DGKB: variants seen among roughly 807,000 people sequenced by gnomAD.
The protein encoded by DGKB is 90 kDa diacylglycerol kinase.
Under a neutral mutation model 114.3 loss-of-function variants are expected in DGKB, and 67 were observed. That is an observed-to-expected ratio of 0.59 (90% CI 0.48 to 0.72). The LOEUF is 0.72. Ranked by LOEUF, DGKB falls within the 30% of genes least tolerant of loss-of-function variation. The pLI is 0.00. For missense variants in DGKB, 907 were observed against 975.2 expected (o/e 0.93, Z 0.93); for synonymous variants, 398 against 323.1 (o/e 1.23, Z -2.49).
At position 14,291,519 on chromosome 7, in the gene DGKB, G is replaced by A. The variant is rs138183443; in HGVS notation, c.2122+46996C>T. On this transcript the variant is annotated intron_variant, in intron 23 of 25. Coordinates refer to ENST00000402815, the MANE Select transcript of DGKB (RefSeq NM_001350709.2). Reference sequence around the variant, plus strand: ...CCTTGGTAATCCCAAAATTGGTTTCGTTCAGAAATCAGTGAATTCTCCTAT... The same window carrying A: ...CCTTGGTAATCCCAAAATTGGTTTCATTCAGAAATCAGTGAATTCTCCTAT... 4.2e-4 allele frequency among the ~76,000 whole-genome samples: 64 copies of A among 152,122 alleles called. No individual in the cohort carries two copies. The East Asian group carries it at 9.7e-3, about 23-fold the overall frequency.
chr7:14,158,379 G>A (rs1294674206), intron 25 of DGKB, among the ~76,000 whole-genome samples: 1 of 152,076 alleles, frequency 6.6e-6, no homozygotes, highest in Non-Finnish European at 1.5e-5. Flanking sequence ...CCAAAAGAAA[G>A]GTTAGAAAAA....
intron 6 of DGKB, among the ~76,000 whole-genome samples, chr7:14,716,318 T>A (rs1403749833): frequency 6.6e-6 from 1 of 152,186 alleles, no homozygotes; most frequent in African/African-American, 2.4e-5. Context: ...GATATACCAG[T>A]CCTGCAGGTG....
rs184656437 is a variant in DGKB at position 14,567,249 on chromosome 7, T to A, written c.1770+6963A>T. 5.4e-3 allele frequency among the ~76,000 whole-genome samples: 248 copies of A among 45,950 alleles called. 25 individuals are homozygous for A. The highest frequency in any genetic ancestry group is 0.022 in the African/African-American group (226 of 10,442). The allele number at this position is 45,950 out of a possible 152,430, so 30.1% of individuals were successfully genotyped here. A position where few individuals can be genotyped will look rare whatever the true frequency, so the allele number is the denominator to read the frequency against. ...ATATATATAATTATATTATATATAT[T>A]ATATATTTATATATTATATATATAA... On this transcript the variant is annotated intron_variant, in intron 20 of 25. Transcript: ENST00000402815.
intron 21 of DGKB, among the ~76,000 whole-genome samples, chr7:14,347,432 C>G (rs752955859): frequency 1.3e-5 from 2 of 152,012 alleles, no homozygotes; most frequent in South Asian, 2.1e-4. Context: ...CCAGCAATCT[C>G]TCTTCTGTAT....
chr7:14,564,610 A>T (rs180771395), intron 20 of DGKB, among the ~76,000 whole-genome samples: 1 of 152,196 alleles, frequency 6.6e-6, no homozygotes, highest in Non-Finnish European at 1.5e-5. Flanking sequence ...AATGGAATTT[A>T]AAAATTCCTC....
chr7:14,427,558 A>G (rs1314717788), intron 21 of DGKB, among the ~76,000 whole-genome samples: 2 of 152,126 alleles, frequency 1.3e-5, no homozygotes, highest in Admixed American at 1.3e-4. Context: ...CACGCTGCTG[A>G]TAGAGACATA....
intron 4 of DGKB, among the ~76,000 whole-genome samples, chr7:14,741,815 G>A (rs1257477359): frequency 6.6e-6 from 1 of 152,184 alleles, no homozygotes; most frequent in Non-Finnish European, 1.5e-5. Flanking sequence ...CCAGAAATAT[G>A]AGTCATCTGG....
At chr7:14,838,485 T>C (rs934782150) in intron 2 of DGKB, among the ~76,000 whole-genome samples, 1 of 152,170 alleles carries the variant, frequency 6.6e-6, no homozygotes, top group Non-Finnish European at 1.5e-5. Context: ...GATATCACCA[T>C]AATCCCTTCT....
chr7:14,246,930 T>C (rs142266511), intron 23 of DGKB, among the ~76,000 whole-genome samples: 40 of 152,268 alleles, frequency 2.6e-4, no homozygotes, highest in African/African-American at 9.4e-4. Flanking sequence ...CTTCAGAATA[T>C]ATTCATCCTG....
intron 23 of DGKB, among the ~76,000 whole-genome samples, chr7:14,325,621 A>G (rs1808579054): frequency 6.6e-6 from 1 of 152,220 alleles, no homozygotes; most frequent in Non-Finnish European, 1.5e-5. Flanking sequence ...GGACCAGAAA[A>G]GCAATCAGAA....
intron 25 of DGKB, among the ~76,000 whole-genome samples, chr7:14,155,346 C>G (rs1782850349): frequency 1.3e-5 from 2 of 151,914 alleles, no homozygotes; most frequent in South Asian, 4.1e-4. Context: ...ATTTTTAAAC[C>G]TAACTGAGGT....
intron 22 of DGKB, among the ~76,000 whole-genome samples, chr7:14,339,341 A>G (rs912986430): frequency 3.3e-5 from 5 of 151,172 alleles, no homozygotes; most frequent in African/African-American, 1.2e-4. Context: ...ACAGTTGTCC[A>G]AATGAATATG....
rs1822825695 is a variant in DGKB, at chr7:14,399,911, A to G, written c.1836-54520T>C. 3.3e-5 allele frequency among the ~76,000 whole-genome samples: 5 copies of G among 151,936 alleles called. No individual in the cohort carries two copies. In the South Asian group the frequency reaches 1.0e-3, roughly 31 times the overall value. On this transcript the variant is annotated intron_variant, in intron 21 of 25. Transcript: ENST00000402815. ...TGCCAGATTTTTCTCTTTTGATAGAAGAGATACACGAAGGACAATATTAAC... is the reference window on the plus strand; with the variant it reads ...TGCCAGATTTTTCTCTTTTGATAGAGGAGATACACGAAGGACAATATTAAC...
intron 1 of DGKB, among the ~76,000 whole-genome samples, chr7:14,936,369 T>C (rs1389907075): frequency 6.6e-6 from 1 of 152,054 alleles, no homozygotes; most frequent in East Asian, 1.9e-4. Context: ...GAAACTAACA[T>C]GGGAGGTACA....
intron 23 of DGKB, among the ~76,000 whole-genome samples, chr7:14,212,397 ATGTTTTGTGATTTTACTCTCG>A (rs1322597389): frequency 0.012 from 479 of 41,078 alleles, 154 homozygotes; most frequent in Middle Eastern, 0.025. Context: ...ATTTACTCTC[ATGTTTTGTGATTTTACTCTCG>A]TGTTTTGTGA....
intron 23 of DGKB, among the ~76,000 whole-genome samples, chr7:14,193,625 C>T (rs6461070): frequency 0.52 from 78,654 of 151,988 alleles, 22,527 homozygotes; most frequent in African/African-American, 0.79. Flanking sequence ...TGCTTTATGA[C>T]GTTAGGGTGG....
intron 25 of DGKB, among the ~76,000 whole-genome samples, chr7:14,175,099 G>A (rs1419401437): frequency 6.6e-6 from 1 of 152,172 alleles, no homozygotes; most frequent in Non-Finnish European, 1.5e-5. Context: ...TGTAACTAAG[G>A]TTGTTTACAG....
At chr7:14,939,815 G>A (rs1426126435) in intron 1 of DGKB, among the ~76,000 whole-genome samples, 4 of 151,650 alleles carry the variant, frequency 2.6e-5, no homozygotes, top group African/African-American at 7.2e-5. Context: ...GGATTTCACC[G>A]TGTTAGCCAG....
At chr7:14,739,760 G>C (rs1278380580) in intron 4 of DGKB, among the ~76,000 whole-genome samples, 1 of 152,182 alleles carries the variant, frequency 6.6e-6, no homozygotes, top group East Asian at 1.9e-4. Context: ...TCACTCTTGG[G>C]TTTGGGAATG....
Sources: gnomAD v4.1 joint callset for allele counts (sites outside exome capture counted in the v4.1 genomes callset) on GRCh38, gnomAD v4.1.1 for gene constraint, MANE v1.5 for transcripts, NCBI Gene and HGNC (gene_info 2026-07-23, HGNC 2026-07-21) for gene names.